OLFM3: variants seen among roughly 807,000 people sequenced by gnomAD.
OLFM3 encodes olfactomedin 3.
OLFM3 carries 20 observed loss-of-function variants against 48.6 expected under a neutral mutation model. The ratio of observed to expected loss-of-function variants is 0.41; its 90% CI spans 0.29 to 0.60. The LOEUF (loss-of-function observed/expected upper bound fraction) is 0.60. Among genes scored for constraint, OLFM3 ranks in the 20% least tolerant of loss-of-function variants. The pLI, the probability that OLFM3 is intolerant of heterozygous loss-of-function variation, is 0.28. For synonymous variants in OLFM3, 222 were observed against 198.1 expected (o/e 1.12, Z -1.01); for missense variants, 437 against 544.3 (o/e 0.80, Z 1.96).
At chr1:101,912,978 C>A (rs182847178) in intron 1 of OLFM3, among the ~76,000 whole-genome samples, 2 of 152,066 alleles carry the variant, frequency 1.3e-5, no homozygotes, top group Non-Finnish European at 2.9e-5. Context: ...TATTTATTTT[C>A]TTTAAGGTTT....
chr1:101,934,778 T>A (rs1290548870), intron 1 of OLFM3, among the ~76,000 whole-genome samples: 1 of 151,682 alleles, frequency 6.6e-6, no homozygotes, highest in Non-Finnish European at 1.5e-5. Flanking sequence ...CTTTTTGACC[T>A]CAACACAATA....
intron 1 of OLFM3, among the ~76,000 whole-genome samples, chr1:101,852,521 T>C (rs1656262997): frequency 6.6e-6 from 1 of 152,122 alleles, no homozygotes; most frequent in African/African-American, 2.4e-5. Context: ...CTTCCTCATC[T>C]ATATGCTAAT....
chr1:101,967,597 A>AAAAAAAAAAAAAAAAAAG (rs1660651983), intron 1 of OLFM3, among the ~76,000 whole-genome samples: 1 of 149,080 alleles, frequency 6.7e-6, no homozygotes, highest in Non-Finnish European at 1.5e-5. Context: ...AGTGAAAAAA[A>AAAAAAAAAAAAAAAAAAG]AAAAAAAAAA....
At chr1:101,858,053 C>G (rs941757939) in intron 1 of OLFM3, among the ~76,000 whole-genome samples, 1 of 152,054 alleles carries the variant, frequency 6.6e-6, no homozygotes, top group Non-Finnish European at 1.5e-5. Flanking sequence ...GATCTTAAAA[C>G]TGGAAACTCC....
chr1:101,825,394 T>G (rs113134491), intron 3 of OLFM3, 149 bp from the exon 4 acceptor site: 2 of 660,404 alleles, frequency 3.0e-6, no homozygotes, highest in Non-Finnish European at 5.1e-6. Flanking sequence ...TTGTGAAAAT[T>G]TAAGCGGTCA....
chr1:101,826,905 G>T (rs1245380247), intron 3 of OLFM3, among the ~76,000 whole-genome samples: 1 of 152,160 alleles, frequency 6.6e-6, no homozygotes, highest in East Asian at 1.9e-4. Flanking sequence ...TTAAAAGAGA[G>T]CAATTCAATG....
chr1:101,893,577 GT>G, intron 1 of OLFM3: 2 of 259,910 alleles, frequency 7.7e-6, no homozygotes, highest in Non-Finnish European at 7.9e-6. Context: ...GGACCATGCT[GT>G]TTTTACTTGA....
At chr1:101,810,887 G>A (rs1029908463) in intron 4 of OLFM3, among the ~76,000 whole-genome samples, 1 of 151,630 alleles carries the variant, frequency 6.6e-6, no homozygotes, top group Admixed American at 6.6e-5. Flanking sequence ...TAGTAAATGT[G>A]CAGGAGCTGT....
At chr1:101,876,349 A>G (rs550259038) in intron 1 of OLFM3, among the ~76,000 whole-genome samples, 1 of 152,072 alleles carries the variant, frequency 6.6e-6, no homozygotes, top group Admixed American at 6.6e-5. Context: ...TCCATACGGC[A>G]AGTCCAAAAG....
At chr1:101,943,257 T>C (rs1327823889) in intron 1 of OLFM3, among the ~76,000 whole-genome samples, 1 of 152,132 alleles carries the variant, frequency 6.6e-6, no homozygotes, top group African/African-American at 2.4e-5. Flanking sequence ...GAGATGAGGG[T>C]TTCTTGAAAA....
intron 1 of OLFM3, among the ~76,000 whole-genome samples, chr1:101,933,056 G>T (rs2101050226): frequency 6.6e-6 from 1 of 151,924 alleles, no homozygotes; most frequent in African/African-American, 2.4e-5. Context: ...CAAAAAATTA[G>T]CCAGGCATTG....
chr1:101,839,874 T>A, intron 1 of OLFM3, among the ~76,000 whole-genome samples: 1 of 152,204 alleles, frequency 6.6e-6, no homozygotes, highest in East Asian at 1.9e-4. Context: ...GCCATGACCT[T>A]CTCTACTACA....
At chr1:101,829,933 C>T (rs1570532889) in intron 3 of OLFM3, among the ~76,000 whole-genome samples, 1 of 151,904 alleles carries the variant, frequency 6.6e-6, no homozygotes, top group Admixed American at 6.5e-5. Context: ...CTCCCAGGTT[C>T]ACGCCATCCT....
chr1:101,950,442 T>C (rs1202531076), intron 1 of OLFM3, among the ~76,000 whole-genome samples: 1 of 94,904 alleles, frequency 1.1e-5, no homozygotes, highest in East Asian at 4.1e-4. Flanking sequence ...CTGCTTTCTT[T>C]CTTTTTTTTT....
intron 1 of OLFM3, among the ~76,000 whole-genome samples, chr1:101,938,573 C>G (rs1276124815): frequency 1.3e-5 from 2 of 152,224 alleles, no homozygotes; most frequent in Admixed American, 6.5e-5. Flanking sequence ...GCACAAATGT[C>G]TCTTAAAGTT....
At chr1:101,906,513 A>G (rs534162977) in intron 1 of OLFM3, among the ~76,000 whole-genome samples, 1 of 152,272 alleles carries the variant, frequency 6.6e-6, no homozygotes, top group African/African-American at 2.4e-5. Flanking sequence ...ATGATTAGAA[A>G]GATAAATGGT....
At chr1:101,989,877 T>G (rs1237443176) in intron 1 of OLFM3, among the ~76,000 whole-genome samples, 1 of 152,194 alleles carries the variant, frequency 6.6e-6, no homozygotes, top group Admixed American at 6.5e-5. Context: ...TTGAGTAACT[T>G]GAGAAAATCC....
At chr1:101,859,180 A>T (rs1270871778) in intron 1 of OLFM3, among the ~76,000 whole-genome samples, 2 of 152,122 alleles carry the variant, frequency 1.3e-5, no homozygotes, top group African/African-American at 4.8e-5. Context: ...AGGTAGCAGA[A>T]ACATGTAGCT....
At chr1:101,934,052 T>C (rs1005615082) in intron 1 of OLFM3, among the ~76,000 whole-genome samples, 2 of 152,172 alleles carry the variant, frequency 1.3e-5, no homozygotes, top group Non-Finnish European at 2.9e-5. Context: ...AAAGCAATCA[T>C]ACAATCATGT....
Sources: gnomAD v4.1 joint callset for allele counts (sites outside exome capture counted in the v4.1 genomes callset) on GRCh38, gnomAD v4.1.1 for gene constraint, MANE v1.5 for transcripts, NCBI Gene and HGNC (gene_info 2026-07-23, HGNC 2026-07-21) for gene names.